Variants in MCM9 observed in about 807,000 individuals in gnomAD.
MCM9 encodes the protein minichromosome maintenance 9 homologous recombination repair factor.
In MCM9, 55 loss-of-function variants were observed where a neutral mutation model predicts 72.8. That is an observed-to-expected ratio of 0.76 (90% CI 0.61 to 0.95). The LOEUF (loss-of-function observed/expected upper bound fraction) is 0.95. Among genes scored for constraint, MCM9 ranks in the 40% least tolerant of loss-of-function variants. The pLI is 0.00. For missense variants in MCM9, 1,279 were observed against 1,377.0 expected, an observed-to-expected ratio of 0.93 and a Z score of 1.13; for synonymous variants, 480 against 503.4, an observed-to-expected ratio of 0.95 and a Z score of 0.62.
At chr6:118,908,299 A>G (rs1001236836) in intron 8 of MCM9, 4 of 152,172 alleles carry the variant, frequency 2.6e-5, no homozygotes, top group African/African-American at 9.7e-5. Flanking sequence ...ATATCAGAGC[A>G]TTTCTTGAAT....
chr6:118,911,586 G>GA (rs1160349113), intron 8 of MCM9, 64 bp downstream of exon 8: 6 of 1,524,460 alleles, frequency 3.9e-6, no homozygotes, highest in Non-Finnish European at 5.3e-6. Flanking sequence ...TTTTTCATTA[G>GA]AAAAAACCAT....
At chr6:118,873,612 T>C (rs1293919463) in intron 8 of MCM9, among the ~76,000 whole-genome samples, 1 of 152,236 alleles carries the variant, frequency 6.6e-6, no homozygotes, top group Non-Finnish European at 1.5e-5. Flanking sequence ...TTATATCTAC[T>C]AATGATGTTG....
chr6:118,902,903 TTCTTC>T (rs780741262), intron 8 of MCM9, among the ~76,000 whole-genome samples: 5 of 152,224 alleles, frequency 3.3e-5, no homozygotes, highest in Admixed American at 6.5e-5. Flanking sequence ...AAACATGTCT[TTCTTC>T]TGAGTGAGTC....
intron 9 of MCM9, among the ~76,000 whole-genome samples, chr6:118,847,944 C>G (rs1775983664): frequency 6.6e-6 from 1 of 151,836 alleles, no homozygotes; most frequent in South Asian, 2.1e-4. Context: ...GTCTTTATAT[C>G]CAGCCAAGCT....
At chr6:118,853,682 G>A (rs544452834) in intron 9 of MCM9, among the ~76,000 whole-genome samples, 4 of 152,240 alleles carry the variant, frequency 2.6e-5, no homozygotes, top group South Asian at 2.1e-4. Context: ...GTGCGTCCCC[G>A]TAAGTCCCAG....
intron 8 of MCM9, among the ~76,000 whole-genome samples, chr6:118,890,083 C>T (rs1040649097): frequency 6.6e-6 from 1 of 152,136 alleles, no homozygotes; most frequent in African/African-American, 2.4e-5. Context: ...TGTAGTACCC[C>T]GTGGGGAGCC....
chr6:118,855,944 T>G (rs902804200), intron 9 of MCM9, among the ~76,000 whole-genome samples: 10 of 152,238 alleles, frequency 6.6e-5, no homozygotes, highest in South Asian at 2.1e-4. Context: ...GTATTCCATA[T>G]GCTGTAATCA....
At chr6:118,880,799 T>C (rs1262068925) in intron 8 of MCM9, among the ~76,000 whole-genome samples, 1 of 152,216 alleles carries the variant, frequency 6.6e-6, no homozygotes, top group Non-Finnish European at 1.5e-5. Context: ...TTCTCTCTTC[T>C]TGTAGAGGAT....
In MCM9 at chr6:118,863,725, C is replaced by T. The variant is rs573468255; in HGVS notation, c.1151-7180G>A. 3.9e-5 allele frequency among the ~76,000 whole-genome samples: 6 copies of T among 152,300 alleles called. No homozygotes were observed. The South Asian group carries it at 1.2e-3, about 32-fold the overall frequency. ...AAAGAGAAGTAAGAGTTAACACACT[C>T]AGGCCCCTTGCCATGTAATGTCTTC... is the stretch of plus-strand genomic sequence containing the variant. On this transcript the variant is annotated intron_variant, in intron 8 of 13. Transcript: ENST00000619706.
chr6:118,868,226 A>G (rs1171177345), intron 8 of MCM9, among the ~76,000 whole-genome samples: 1 of 152,208 alleles, frequency 6.6e-6, no homozygotes, highest in Non-Finnish European at 1.5e-5. Flanking sequence ...AACTAAAGCT[A>G]CAATAATTTT....
chr6:118,861,053 T>C (rs1384041046), intron 8 of MCM9, among the ~76,000 whole-genome samples: 3 of 152,182 alleles, frequency 2.0e-5, no homozygotes, highest in African/African-American at 7.2e-5. Flanking sequence ...AAGCCAGGCA[T>C]GGGACGGCCA....
chr6:118,853,010 T>C (rs149348043), intron 9 of MCM9, among the ~76,000 whole-genome samples: 1,981 of 152,324 alleles, frequency 0.013, 25 homozygotes, highest in Middle Eastern at 0.031. Context: ...TAGTATTCCA[T>C]GGTATGGGTC....
chr6:118,903,276 C>T (rs915915421), intron 8 of MCM9, among the ~76,000 whole-genome samples: 2 of 152,028 alleles, frequency 1.3e-5, no homozygotes, highest in Non-Finnish European at 2.9e-5. Flanking sequence ...TAATCTAACC[C>T]CTCTGTGCAG....
chr6:118,907,062 C>T (rs935867647), intron 8 of MCM9, among the ~76,000 whole-genome samples: 6 of 152,094 alleles, frequency 3.9e-5, no homozygotes, highest in African/African-American at 1.4e-4. Flanking sequence ...AACATAGTAG[C>T]TTGTTAAATA....
intron 8 of MCM9, among the ~76,000 whole-genome samples, chr6:118,878,489 A>G (rs543786371): frequency 1.3e-5 from 2 of 152,304 alleles, no homozygotes; most frequent in South Asian, 4.1e-4. Context: ...TTAAAAGAAA[A>G]TTGTATAAGC....
At chr6:118,843,658 G>GTATA (rs74206505) in intron 9 of MCM9, among the ~76,000 whole-genome samples, 6 of 21,588 alleles carry the variant, frequency 2.8e-4, no homozygotes, top group Non-Finnish European at 5.2e-4. Context: ...ATATATATGT[G>GTATA]TATATATATA....
intron 5 of MCM9, chr6:118,919,943 T>A (rs1190921591): frequency 1.3e-5 from 2 of 152,214 alleles, no homozygotes; most frequent in Non-Finnish European, 2.9e-5. Context: ...ACTATTTGTC[T>A]TTTGATTCCC....
Position 118,822,861 on chromosome 6 carries a change from C to T in MCM9, c.1961+3286G>A, listed in dbSNP as rs183218970. Among the ~76,000 whole-genome samples, 49 of 152,340 alleles carry T rather than the reference C, an allele frequency of 3.2e-4. 1 individual carries two copies. The highest frequency in any genetic ancestry group is 2.9e-3 in the Admixed American group (45 of 15,312). On this transcript the variant is annotated intron_variant, in intron 13 of 13. Coordinates refer to ENST00000619706, the MANE Select transcript of MCM9 (RefSeq NM_017696.3). ...GTATCTGGCCACAGCCAATTCGCCA[C>T]ACTGTGGTGGATTCCACCCAGTCCA... is the stretch of plus-strand genomic sequence containing the variant.
rs746069451 is a variant in MCM9, at chr6:118,907,582, G to A, written c.1150+4068C>T. ...GTCCACATCAGAAAACTCACTAAATGTCATGTTAGAATCCCACATGGACTG... is the reference window on the plus strand; with the variant it reads ...GTCCACATCAGAAAACTCACTAAATATCATGTTAGAATCCCACATGGACTG... On this transcript the variant is annotated intron_variant, in intron 8 of 13. Transcript: ENST00000619706. The A allele has an allele frequency of 1.2e-5, 20 of 1,613,474 alleles. No individual in the cohort carries two copies. In the South Asian group the frequency reaches 1.5e-4, roughly 12 times the overall value.
Sources: allele counts gnomAD v4.1 joint callset (sites outside exome capture counted in the v4.1 genomes callset), GRCh38; gene constraint gnomAD v4.1.1; transcripts MANE v1.5; gene names NCBI Gene and HGNC (gene_info 2026-07-23, HGNC 2026-07-21).